RBFOX3: variants seen among roughly 807,000 people sequenced by gnomAD.
RBFOX3 encodes the protein RNA binding fox-1 homolog 3.
RBFOX3 carries 17 observed loss-of-function variants against 48.7 expected under a neutral mutation model. The observed-to-expected ratio is 0.35, with a 90% CI of 0.24 to 0.52. The LOEUF (loss-of-function observed/expected upper bound fraction) is 0.52. Ranked by LOEUF, RBFOX3 falls within the 20% of genes least tolerant of loss-of-function variation. The pLI, the probability that RBFOX3 is intolerant of heterozygous loss-of-function variation, is 0.94. For synonymous variants in RBFOX3, 212 were observed against 209.5 expected (o/e 1.01, Z -0.10); for missense variants, 382 against 497.5 (o/e 0.77, Z 2.21).
At chr17:79,620,111 GCATATGCA>G in the RBFOX3 span, among the ~76,000 whole-genome samples, 4 of 123,454 alleles carry the variant, frequency 3.2e-5, no homozygotes, top group East Asian at 4.4e-4. Context: ...GTGCATGCAC[GCATATGCA>G]CACATACACA....
intron 1 of RBFOX3, among the ~76,000 whole-genome samples, chr17:79,537,874 G>A (rs1373264490): frequency 6.6e-6 from 1 of 152,188 alleles, no homozygotes; most frequent in Non-Finnish European, 1.5e-5. Context: ...AGTGTCCCAG[G>A]AGGATGAGCT....
intron 1 of RBFOX3, among the ~76,000 whole-genome samples, chr17:79,593,940 T>A (rs934046994): frequency 6.6e-6 from 1 of 152,104 alleles, no homozygotes; most frequent in African/African-American, 2.4e-5. Flanking sequence ...ACCAAAGGGT[T>A]TGGGCACCTG....
intron 2 of RBFOX3, among the ~76,000 whole-genome samples, chr17:79,372,752 G>A (rs2058729068): frequency 6.6e-6 from 1 of 152,192 alleles, no homozygotes. Flanking sequence ...GTCTGGGCAG[G>A]GACTGTTGCC....
Position 79,377,642 on chromosome 17 carries a change from C to A in RBFOX3, c.-174-69818G>T, listed in dbSNP as rs2059384917. Among the ~76,000 whole-genome samples the A allele has an allele frequency of 2.6e-5, 4 of 152,196 alleles. No homozygotes were observed. In the South Asian group the frequency reaches 8.3e-4, roughly 31 times the overall value. On this transcript the variant is annotated intron_variant, in intron 2 of 14. Coordinates refer to ENST00000693108, the MANE Select transcript of RBFOX3 (RefSeq NM_001350451.2). ...GCAGGGAGCCAGAACGGCATTGTGTCCACGGGGGAGGGGCATCGAGCTTCT... is the reference window on the plus strand; with the variant it reads ...GCAGGGAGCCAGAACGGCATTGTGTACACGGGGGAGGGGCATCGAGCTTCT...
intron 1 of RBFOX3, among the ~76,000 whole-genome samples, chr17:79,576,978 G>A (rs1308110177): frequency 4.6e-5 from 7 of 152,186 alleles, no homozygotes; most frequent in Admixed American, 2.0e-4. Context: ...TGGGGTTCCC[G>A]AGAGCCCCAA....
intron 4 of RBFOX3, among the ~76,000 whole-genome samples, chr17:79,185,625 C>T (rs1365413397): frequency 6.6e-6 from 1 of 152,214 alleles, no homozygotes; most frequent in East Asian, 1.9e-4. Flanking sequence ...AGCCACATAG[C>T]ATTCAGCCGA....
rs1338065965 is a variant in RBFOX3 at position 79,582,947 on chromosome 17, A to C, written c.-320+27879T>G. On this transcript the variant is annotated intron_variant, in intron 1 of 14. Coordinates refer to ENST00000693108, the MANE Select transcript of RBFOX3 (RefSeq NM_001350451.2). ...CCTCCCAGAGCCATGGACCACTGCG[A>C]CCCACAATGGGCCTCTGGTGCCCAC... Among the ~76,000 whole-genome samples the C allele has an allele frequency of 3.9e-5, 6 of 152,018 alleles. 1 individual carries two copies. The highest frequency in any genetic ancestry group is 2.0e-4 in the Admixed American group (3 of 15,254).
At position 79,123,062 on chromosome 17, in the gene RBFOX3, C is replaced by T. The variant is rs193276259; in HGVS notation, c.-33-7314G>A. ...GGATGATGACCAGAGGCTGGAAAGACGAGGGGGGTGTGGGCTGGGGGAAGG... is the reference window on the plus strand; with the variant it reads ...GGATGATGACCAGAGGCTGGAAAGATGAGGGGGGTGTGGGCTGGGGGAAGG... On this transcript the variant is annotated intron_variant, in intron 4 of 14. Transcript: ENST00000693108. Among the ~76,000 whole-genome samples the T allele has an allele frequency of 3.4e-3, 494 of 143,444 alleles. 3 individuals carry two copies. Among genetic ancestry groups the T allele is most frequent in the African/African-American group, 0.012 (467 of 38,386 alleles). 94.1% of individuals were successfully genotyped at this position (143,444 alleles called of 152,430 possible).
intron 2 of RBFOX3, among the ~76,000 whole-genome samples, chr17:79,377,028 G>A (rs2059301799): frequency 6.6e-6 from 1 of 152,080 alleles, no homozygotes; most frequent in African/African-American, 2.4e-5. Flanking sequence ...GTTTGGGGGT[G>A]TTCCGTGTTG....
the RBFOX3 span, among the ~76,000 whole-genome samples, chr17:79,659,172 G>C: frequency 1.4e-4 from 22 of 152,286 alleles, no homozygotes; most frequent in Middle Eastern, 3.4e-3. Flanking sequence ...GAAGTGGAAG[G>C]CATTGCTTCC....
At position 79,243,124 on chromosome 17, in the gene RBFOX3, A is replaced by G. The variant is rs1196567559; in HGVS notation, c.-73-7319T>C. On this transcript the variant is annotated intron_variant, in intron 3 of 14. Coordinates refer to ENST00000693108, the MANE Select transcript of RBFOX3 (RefSeq NM_001350451.2). This position sits in a 1 kb window ranked among gnomAD's most constrained non-coding sequence, Gnocchi z 7.9. ...TACTATGATCACTTCCAGTTTCCAA[A>G]CATCAAATCTGAAGCTTGGGGAAGT... Among the ~76,000 whole-genome samples the G allele has an allele frequency of 2.0e-5, 3 of 152,122 alleles. No individual in the cohort carries two copies. The highest frequency in any genetic ancestry group is 4.4e-5 in the Non-Finnish European group (3 of 68,018).
chr17:79,413,204 C>T (rs953569025), intron 2 of RBFOX3, among the ~76,000 whole-genome samples: 2 of 152,212 alleles, frequency 1.3e-5, no homozygotes, highest in African/African-American at 4.8e-5. Context: ...CTCAAGAGGG[C>T]AGGCCGGGGC....
Position 79,391,871 on chromosome 17 carries a change from A to AT in RBFOX3, c.-174-84048_-174-84047insA, listed in dbSNP as rs1259546717. Among the ~76,000 whole-genome samples, 32 of 151,548 alleles carry AT rather than the reference A, an allele frequency of 2.1e-4. No individual in the cohort carries two copies. Among genetic ancestry groups the AT allele is most frequent in the Non-Finnish European group, 4.1e-4 (28 of 67,852 alleles). On this transcript the variant is annotated intron_variant, in intron 2 of 14. Coordinates refer to ENST00000693108, the MANE Select transcript of RBFOX3 (RefSeq NM_001350451.2). The surrounding 1 kb of genome is among the most constrained non-coding windows in gnomAD (Gnocchi z 5.0). The stretch of plus-strand genomic sequence containing the variant: ...GGTTTCCGAATCTGTTAAAAAAAAA[A>AT]GGCTCCAGGCTGGACAAGCCCCAGG...
intron 4 of RBFOX3, among the ~76,000 whole-genome samples, chr17:79,194,185 A>G (rs902412608): frequency 5.3e-5 from 8 of 152,158 alleles, no homozygotes; most frequent in African/African-American, 1.9e-4. Flanking sequence ...CTGTGGTAGA[A>G]ATGGACTTTG....
intron 2 of RBFOX3, among the ~76,000 whole-genome samples, chr17:79,454,907 C>G (rs906495081): frequency 1.2e-4 from 19 of 152,310 alleles, no homozygotes; most frequent in African/African-American, 4.6e-4. Context: ...GGCCCTGCAC[C>G]CAGAGGCAGG....
intron 4 of RBFOX3, among the ~76,000 whole-genome samples, chr17:79,124,851 C>T (rs1488942477): frequency 6.6e-6 from 1 of 152,008 alleles, no homozygotes; most frequent in East Asian, 1.9e-4. Context: ...GTATTTGGTC[C>T]CCTGGTTGCC....
At chr17:79,331,170 C>G (rs1238605780) in intron 2 of RBFOX3, among the ~76,000 whole-genome samples, 1 of 152,196 alleles carries the variant, frequency 6.6e-6, no homozygotes, top group East Asian at 1.9e-4. Flanking sequence ...ATTTCTGTTC[C>G]TTGACAACCC....
chr17:79,320,627 G>A (rs150911301), intron 2 of RBFOX3, among the ~76,000 whole-genome samples: 2 of 152,146 alleles, frequency 1.3e-5, no homozygotes, highest in African/African-American at 2.4e-5. Flanking sequence ...CCTTTGCAAC[G>A]AAACCACGAG....
intron 2 of RBFOX3, among the ~76,000 whole-genome samples, chr17:79,370,863 T>C (rs1156410795): frequency 2.0e-5 from 3 of 152,246 alleles, no homozygotes; most frequent in African/African-American, 7.2e-5. Flanking sequence ...CACACATGCT[T>C]CTCTGGGTCC....
Sources: allele counts gnomAD v4.1 joint callset (sites outside exome capture counted in the v4.1 genomes callset), GRCh38; gene constraint gnomAD v4.1.1; non-coding constraint Gnocchi (gnomAD v3.1); transcripts MANE v1.5; gene names NCBI Gene and HGNC (gene_info 2026-07-23, HGNC 2026-07-21).